SIRPG: variants seen among roughly 807,000 people sequenced by gnomAD.
SIRPG encodes signal regulatory protein gamma, also known as signal-regulatory protein gamma.
In SIRPG, 38 loss-of-function variants were observed where a neutral mutation model predicts 35.7. The ratio of observed to expected loss-of-function variants is 1.06; its 90% CI spans 0.82 to 1.40. The LOEUF (loss-of-function observed/expected upper bound fraction) is 1.40, where lower values mean the gene tolerates loss of function less well. SIRPG is among the 40% of genes most tolerant of loss of function. The probability of loss-of-function intolerance (pLI) is 0.00; values close to 1 mark genes in which losing one functional copy is unlikely to be tolerated. For synonymous variants in SIRPG, 215 were observed against 190.4 expected (o/e 1.13, Z -1.06); for missense variants, 519 against 483.0 (o/e 1.07, Z -0.70).
intron 4 of SIRPG, among the ~76,000 whole-genome samples, chr20:1,631,653 T>C (rs1242563891): frequency 6.6e-6 from 1 of 152,080 alleles, no homozygotes; most frequent in Non-Finnish European, 1.5e-5. Context: ...AAATATAAAT[T>C]TGAAGCCTGA....
At chr20:1,654,996 T>G (rs1478558271) in intron 1 of SIRPG, among the ~76,000 whole-genome samples, 2 of 152,178 alleles carry the variant, frequency 1.3e-5, no homozygotes, top group African/African-American at 2.4e-5. Context: ...ATCTCACACC[T>G]TTAAGAATGG....
At chr20:1,650,556 C>T (rs896656456) in intron 1 of SIRPG, among the ~76,000 whole-genome samples, 21 of 151,624 alleles carry the variant, frequency 1.4e-4, no homozygotes, top group South Asian at 4.2e-4. Context: ...GACTGAGATA[C>T]GGATGGAAAA....
intron 1 of SIRPG, among the ~76,000 whole-genome samples, chr20:1,655,839 C>T (rs1402902680): frequency 6.6e-6 from 1 of 151,716 alleles, no homozygotes; most frequent in East Asian, 1.9e-4. Flanking sequence ...AAAAATTTCA[C>T]TGAAAATAGA....
At chr20:1,663,527 C>T in the SIRPG span, among the ~76,000 whole-genome samples, 1 of 152,184 alleles carries the variant, frequency 6.6e-6, no homozygotes, top group Non-Finnish European at 1.5e-5. Flanking sequence ...ATTTTGCAAT[C>T]TGGTTGTTAA....
chr20:1,653,747 G>A (rs542176587), intron 1 of SIRPG, among the ~76,000 whole-genome samples: 21 of 152,268 alleles, frequency 1.4e-4, no homozygotes, highest in Non-Finnish European at 2.5e-4. Flanking sequence ...CTGGGCAATA[G>A]GGAAAACCAC....
At position 1,649,101 on chromosome 20, in the gene SIRPG, A is replaced by T. The variant is rs62641734; in HGVS notation, c.381T>A (p.Pro127=). The T allele has an allele frequency of 3.1e-4, 496 of 1,613,944 alleles. 1 individual carries two copies. In the African/African-American group the frequency reaches 6.0e-3, roughly 19 times the overall value. Reference sequence around the variant, plus strand: ...GTCCAGACTTAAACTCCACGTTCTCAGGGCTCCCTTTTCGAAACTTCACAC... The same window carrying T: ...GTCCAGACTTAAACTCCACGTTCTCTGGGCTCCCTTTTCGAAACTTCACAC... ...YYCVKFRKGS[P]ENVEFKSGPG... The change falls in exon 2 of 6, where the codon CCT becomes CCA. Residue 127 remains proline (P), a synonymous_variant. Transcript: ENST00000303415.
At chr20:1,652,806 CTT>C (rs1355823710) in intron 1 of SIRPG, among the ~76,000 whole-genome samples, 1 of 152,130 alleles carries the variant, frequency 6.6e-6, no homozygotes, top group Non-Finnish European at 1.5e-5. Context: ...TGATTACTGT[CTT>C]TCTCTGCAGT....
At chr20:1,641,510 G>T (rs1232212486) in intron 2 of SIRPG, among the ~76,000 whole-genome samples, 1 of 150,940 alleles carries the variant, frequency 6.6e-6, no homozygotes, top group Admixed American at 6.6e-5. Context: ...TTCTTTATTA[G>T]TCTAGCTAGT....
intron 2 of SIRPG, among the ~76,000 whole-genome samples, chr20:1,644,666 GAGA>G (rs2091883571): frequency 6.6e-6 from 1 of 152,232 alleles, no homozygotes; most frequent in African/African-American, 2.4e-5. Flanking sequence ...GCGGTTGATT[GAGA>G]CCCTAGGCCC....
the SIRPG span, among the ~76,000 whole-genome samples, chr20:1,664,532 T>C: frequency 6.6e-6 from 1 of 152,146 alleles, no homozygotes; most frequent in Non-Finnish European, 1.5e-5. Flanking sequence ...TCTAGGGGGA[T>C]GCTGTGAGTC....
the SIRPG span, among the ~76,000 whole-genome samples, chr20:1,683,879 G>A: frequency 6.6e-6 from 1 of 151,918 alleles, no homozygotes. Flanking sequence ...TGAAGCAGGA[G>A]AATCACTTGA....
chr20:1,633,698 C>A (rs1441479223), intron 4 of SIRPG: 2 of 152,184 alleles, frequency 1.3e-5, no homozygotes, highest in Admixed American at 1.3e-4. Context: ...ACTGACCCAG[C>A]AGATAAGACT....
chr20:1,649,803 A>G (rs1396004597), intron 1 of SIRPG, among the ~76,000 whole-genome samples: 4 of 149,738 alleles, frequency 2.7e-5, no homozygotes, highest in African/African-American at 5.0e-5. Flanking sequence ...TGCCAGGTTA[A>G]GCTTTGTATT....
At chr20:1,681,482 A>C in the SIRPG span, among the ~76,000 whole-genome samples, 2 of 152,192 alleles carry the variant, frequency 1.3e-5, no homozygotes, top group Non-Finnish European at 2.9e-5. Flanking sequence ...ATGATCATCC[A>C]AAGTAAGAGC....
At chr20:1,668,648 C>T in the SIRPG span, among the ~76,000 whole-genome samples, 1 of 152,082 alleles carries the variant, frequency 6.6e-6, no homozygotes, top group African/African-American at 2.4e-5. Context: ...ACACACACCA[C>T]ACAAAAAACA....
chr20:1,668,199 T>TTTTCTTTCTTTCTTTCTTTCTTTC, the SIRPG span, among the ~76,000 whole-genome samples: 76 of 67,430 alleles, frequency 1.1e-3, 1 homozygote, highest in South Asian at 4.5e-3. Context: ...TTTTCTTTTC[T>TTTTCTTTCTTTCTTTCTTTCTTTC]TTTCTTTCTT....
the SIRPG span, among the ~76,000 whole-genome samples, chr20:1,677,954 A>C: frequency 6.6e-6 from 1 of 152,188 alleles, no homozygotes; most frequent in Non-Finnish European, 1.5e-5. Flanking sequence ...ATGCAGAGTA[A>C]CTGTGAGATG....
intron 4 of SIRPG, among the ~76,000 whole-genome samples, chr20:1,632,194 A>G (rs1294857545): frequency 1.3e-5 from 2 of 152,192 alleles, no homozygotes; most frequent in Non-Finnish European, 2.9e-5. Flanking sequence ...GTACAATTGC[A>G]GCAGCATAGC....
At position 1,631,503 on chromosome 20, in the gene SIRPG, C is replaced by T. The variant is rs117253072; in HGVS notation, c.1082-1197G>A. Among the ~76,000 whole-genome samples the T allele has an allele frequency of 4.6e-5, 7 of 152,344 alleles. No homozygotes were observed. The East Asian group carries it at 1.3e-3, about 29-fold the overall frequency. ...TGCACTGTAGCTCAGCACCTCGCTCCTCCTACAGTCCTGCCTCCCCATTTC... is the reference window on the plus strand; with the variant it reads ...TGCACTGTAGCTCAGCACCTCGCTCTTCCTACAGTCCTGCCTCCCCATTTC... On this transcript the variant is annotated intron_variant, in intron 4 of 5. Coordinates refer to ENST00000303415, the MANE Select transcript of SIRPG (RefSeq NM_018556.4).
Sources: gnomAD v4.1 joint callset for allele counts (sites outside exome capture counted in the v4.1 genomes callset) on GRCh38, gnomAD v4.1.1 for gene constraint, MANE v1.5 for transcripts, NCBI Gene and HGNC (gene_info 2026-07-23, HGNC 2026-07-21) for gene names.